Variants in POGLUT3 observed in about 807,000 individuals in gnomAD.
The protein encoded by POGLUT3 is protein O-glucosyltransferase 3.
A neutral mutation model predicts 54.3 loss-of-function variants in POGLUT3; 48 were observed. The observed-to-expected ratio is 0.88, with a 90% CI of 0.70 to 1.12. The LOEUF (loss-of-function observed/expected upper bound fraction) is 1.12, where lower values mean the gene tolerates loss of function less well. POGLUT3 is among the 50% of genes most tolerant of loss of function. POGLUT3 has a pLI of 0.00. For synonymous variants in POGLUT3, 218 were observed against 237.4 expected (o/e 0.92, Z 0.75); for missense variants, 629 against 618.7 (o/e 1.02, Z -0.18).
intron 4 of POGLUT3, 146 bp from the exon 5 acceptor site, chr11:108,481,522 G>A (rs1402485601): frequency 3.4e-6 from 2 of 580,866 alleles, no homozygotes; most frequent in Non-Finnish European, 5.4e-6. Flanking sequence ...TTATTTCAAC[G>A]AAAATATGGG....
intron 1 of POGLUT3, among the ~76,000 whole-genome samples, chr11:108,496,335 AG>A (rs1325817615): frequency 2.7e-5 from 4 of 150,906 alleles, no homozygotes; most frequent in Non-Finnish European, 4.4e-5. Context: ...AAAAAGGAGG[AG>A]GGGGGTTGGA....
chr11:108,476,280 T>C (rs1171645775), intron 7 of POGLUT3, among the ~76,000 whole-genome samples: 2 of 152,178 alleles, frequency 1.3e-5, no homozygotes, highest in African/African-American at 2.4e-5. Flanking sequence ...ATTACAGGCA[T>C]GTGCCACCAC....
intron 5 of POGLUT3, among the ~76,000 whole-genome samples, chr11:108,480,358 A>G (rs189369389): frequency 7.2e-5 from 11 of 152,322 alleles, no homozygotes; most frequent in Non-Finnish European, 1.3e-4. Context: ...TGTTGGGTTA[A>G]TATACTTTGT....
intron 1 of POGLUT3, chr11:108,491,427 T>A (rs534197837): frequency 1.8e-6 from 1 of 571,044 alleles, no homozygotes; most frequent in Admixed American, 3.1e-5. Flanking sequence ...GAATCCTAGC[T>A]CATTACAGCT....
At chr11:108,487,599 T>C (rs1306258875) in intron 2 of POGLUT3, among the ~76,000 whole-genome samples, 1 of 152,140 alleles carries the variant, frequency 6.6e-6, no homozygotes, top group Non-Finnish European at 1.5e-5. Flanking sequence ...TATTTTTGTT[T>C]TTTGGTGGCA....
chr11:108,492,474 G>A (rs1011143476), intron 1 of POGLUT3, among the ~76,000 whole-genome samples: 1 of 152,086 alleles, frequency 6.6e-6, no homozygotes, highest in Non-Finnish European at 1.5e-5. Context: ...TTTTCACTTC[G>A]CATATTATAA....
chr11:108,491,056 C>G lies in POGLUT3; in HGVS notation c.314G>C (p.Arg105Thr), dbSNP rs201945088. 2 of 1,614,024 alleles carry G rather than the reference C, an allele frequency of 1.2e-6. No individual in the cohort carries two copies. The highest frequency in any genetic ancestry group is 2.2e-5 in the East Asian group (1 of 44,870). ...RNDGTFLMRY[R>T]MYETVDEGLK... The stretch of plus-strand genomic sequence containing the variant: ...GCCTTCATCGACAGTTTCATACATC[C>G]TATATCTCATCAAAAATGTTCCATC... Residue 105 changes from arginine to threonine, a missense_variant, in exon 2 of 8, where the codon AGG becomes ACG. Arg to Thr is a moderately conservative substitution (Grantham distance 71). Transcript: ENST00000323468.
chr11:108,481,844 C>T (rs1408980199), intron 4 of POGLUT3, among the ~76,000 whole-genome samples, 162 bp downstream of exon 4: 1 of 152,186 alleles, frequency 6.6e-6, no homozygotes, highest in Non-Finnish European at 1.5e-5. Context: ...CCAGAAAAAA[C>T]TATATAACTG....
intron 1 of POGLUT3, among the ~76,000 whole-genome samples, chr11:108,493,907 T>C (rs371456461): frequency 6.6e-6 from 1 of 151,916 alleles, no homozygotes; most frequent in Non-Finnish European, 1.5e-5. Flanking sequence ...GCAGTGACTA[T>C]GTAGACAAAA....
chr11:108,479,248 A>G, intron 6 of POGLUT3, 53 bp downstream of exon 6: 2 of 1,254,948 alleles, frequency 1.6e-6, no homozygotes, highest in Middle Eastern at 2.4e-4. Flanking sequence ...GAACTCATCT[A>G]ACACTGATGA....
chr11:108,491,868 G>A (rs185361606), intron 1 of POGLUT3, among the ~76,000 whole-genome samples: 473 of 152,216 alleles, frequency 3.1e-3, no homozygotes, highest in Non-Finnish European at 5.1e-3. Context: ...AAAAATCCAT[G>A]GACTCTAAGC....
Position 108,474,970 on chromosome 11 carries a change from A to G in POGLUT3, c.1399-18T>C, listed in dbSNP as rs758279103. ...GCATATTTCTGAAACGTGGGTTTAAAGGGAACTGAAAGGTTAGTTCACACT... is the reference window on the plus strand; with the variant it reads ...GCATATTTCTGAAACGTGGGTTTAAGGGGAACTGAAAGGTTAGTTCACACT... On this transcript the variant is annotated intron_variant, in intron 7 of 7. Coordinates refer to ENST00000323468, the MANE Select transcript of POGLUT3 (RefSeq NM_153705.5). 8.1e-5 allele frequency: 130 copies of G among 1,613,142 alleles called. 2 individuals are homozygous for G. The South Asian group carries it at 1.4e-3, about 17-fold the overall frequency.
At chr11:108,489,873 C>T (rs2093610024) in intron 2 of POGLUT3, among the ~76,000 whole-genome samples, 1 of 152,106 alleles carries the variant, frequency 6.6e-6, no homozygotes, top group South Asian at 2.1e-4. Context: ...TTTAAACTAG[C>T]AGTTTTTGTT....
chr11:108,484,580 G>A (rs2093599232), intron 3 of POGLUT3, among the ~76,000 whole-genome samples: 1 of 152,116 alleles, frequency 6.6e-6, no homozygotes, highest in Non-Finnish European at 1.5e-5. Flanking sequence ...CCAACATGGT[G>A]AAACCCCTTC....
chr11:108,483,825 C>T (rs1274283841), intron 3 of POGLUT3, among the ~76,000 whole-genome samples: 2 of 152,032 alleles, frequency 1.3e-5, no homozygotes, highest in East Asian at 1.9e-4. Flanking sequence ...CGCACCACCA[C>T]ACCCGGCTAA....
intron 5 of POGLUT3, among the ~76,000 whole-genome samples, chr11:108,479,856 C>G (rs1263697456): frequency 6.6e-6 from 1 of 151,932 alleles, no homozygotes; most frequent in Non-Finnish European, 1.5e-5. Flanking sequence ...TTTTTTGAGA[C>G]AGTGTATTGC....
intron 1 of POGLUT3, among the ~76,000 whole-genome samples, chr11:108,493,674 C>A (rs141906831): frequency 1.3e-5 from 2 of 151,826 alleles, no homozygotes; most frequent in African/African-American, 4.8e-5. Context: ...CATGATGATG[C>A]GCACCTGTAA....
At chr11:108,492,742 A>G (rs2093615482) in intron 1 of POGLUT3, among the ~76,000 whole-genome samples, 1 of 152,210 alleles carries the variant, frequency 6.6e-6, no homozygotes, top group Non-Finnish European at 1.5e-5. Context: ...TGATAAAATT[A>G]CGAAATAAAT....
In POGLUT3 at chr11:108,479,403, C is replaced by G. The variant is rs770531386; in HGVS notation, c.1191G>C (p.Ser397=). ...LGDSLVLKQD[S]PYYEHFYMAL... is the part of the protein sequence containing the mutation. ...CCATGTAGAAATGTTCATAATATGG[C>G]GAGTCCTGCTTTAAAACCAGACTGT... Residue 397 remains serine (S), a synonymous_variant, in exon 6 of 8, where the codon TCG becomes TCC. Coordinates refer to ENST00000323468, the MANE Select transcript of POGLUT3 (RefSeq NM_153705.5). The G allele has an allele frequency of 1.9e-6, 3 of 1,612,480 alleles. No homozygotes were observed. The highest frequency in any genetic ancestry group is 2.7e-5 in the African/African-American group (2 of 74,980).
Sources: allele counts gnomAD v4.1 joint callset (sites outside exome capture counted in the v4.1 genomes callset), GRCh38; gene constraint gnomAD v4.1.1; transcripts MANE v1.5; gene names NCBI Gene and HGNC (gene_info 2026-07-23, HGNC 2026-07-21).